Variants in MAGI2 observed in about 807,000 individuals in gnomAD.
MAGI2 encodes membrane-associated guanylate kinase, WW and PDZ domain-containing protein 2.
A neutral mutation model predicts 133.3 loss-of-function variants in MAGI2; 35 were observed. That is an observed-to-expected ratio of 0.26 (90% CI 0.20 to 0.35). MAGI2 has a LOEUF of 0.35. Ranked by LOEUF, MAGI2 falls within the 10% of genes least tolerant of loss-of-function variation. MAGI2 has a pLI of 1.00. For synonymous variants in MAGI2, 729 were observed against 710.6 expected, an observed-to-expected ratio of 1.03 and a Z score of -0.41; for missense variants, 1,636 against 1,863.4, an observed-to-expected ratio of 0.88 and a Z score of 2.25.
rs182663046 is a variant in MAGI2, at chr7:78,503,878, C to A, written c.755-2091G>T. On this transcript the variant is annotated intron_variant, in intron 4 of 21. Coordinates refer to ENST00000354212, the MANE Select transcript of MAGI2 (RefSeq NM_012301.4). ...GCCTTCCACCATGATTGTAAGTTTC[C>A]TGAGGCCTCCTCAGCCATGTGGAAC... 6.7e-3 allele frequency among the ~76,000 whole-genome samples: 1,020 copies of A among 151,738 alleles called. 7 individuals are homozygous for A. Among genetic ancestry groups the A allele is most frequent in the Middle Eastern group, 0.021 (6 of 292 alleles).
At chr7:79,410,917 T>C (rs1314642954) in intron 1 of MAGI2, 3 of 152,216 alleles carry the variant, frequency 2.0e-5, no homozygotes, top group Non-Finnish European at 4.4e-5. Context: ...ATTAGCTGCC[T>C]ACTACTTATA....
At chr7:78,557,889 G>C (rs896425686) in intron 3 of MAGI2, among the ~76,000 whole-genome samples, 2 of 151,986 alleles carry the variant, frequency 1.3e-5, no homozygotes, top group African/African-American at 4.8e-5. Flanking sequence ...TTCAAACTTA[G>C]AGCACAAATG....
chr7:78,701,823 T>A (rs1818107709), intron 2 of MAGI2, among the ~76,000 whole-genome samples: 1 of 151,994 alleles, frequency 6.6e-6, no homozygotes, highest in African/African-American at 2.4e-5. Flanking sequence ...TTTTCACTTT[T>A]CCTTAAACCA....
chr7:78,276,451 T>A (rs1239564110), intron 9 of MAGI2, among the ~76,000 whole-genome samples: 1 of 151,816 alleles, frequency 6.6e-6, no homozygotes, highest in African/African-American at 2.4e-5. Flanking sequence ...TAGAGCTAAG[T>A]GGTGGAATTT....
chr7:78,889,727 A>G (rs1796581412), intron 2 of MAGI2, among the ~76,000 whole-genome samples: 1 of 152,224 alleles, frequency 6.6e-6, no homozygotes, highest in Non-Finnish European at 1.5e-5. Flanking sequence ...TCCTGAAGGA[A>G]GAACTAAACA....
At position 78,867,180 on chromosome 7, in the gene MAGI2, A is replaced by C. The variant is rs4021184; in HGVS notation, c.418+139910T>G. 9.6e-4 allele frequency among the ~76,000 whole-genome samples: 144 copies of C among 149,834 alleles called. 1 individual carries two copies. Among genetic ancestry groups the C allele is most frequent in the African/African-American group, 3.2e-3 (130 of 40,810 alleles). On this transcript the variant is annotated intron_variant, in intron 2 of 21. Coordinates refer to ENST00000354212, the MANE Select transcript of MAGI2 (RefSeq NM_012301.4). ...AGAAATACCATTTGACCCAGCCATC[A>C]CATTACTGGGTATATACCCAAAGGA...
intron 2 of MAGI2, among the ~76,000 whole-genome samples, chr7:78,850,162 C>T (rs1793006051): frequency 6.6e-6 from 1 of 152,042 alleles, no homozygotes; most frequent in Admixed American, 6.6e-5. Context: ...AATAACAGAA[C>T]TAGCATTACT....
At position 78,296,831 on chromosome 7, in the gene MAGI2, G is replaced by A. The variant is rs376169366; in HGVS notation, c.1409-40250C>T. Among the ~76,000 whole-genome samples, 25 of 152,292 alleles carry A rather than the reference G, an allele frequency of 1.6e-4. No individual in the cohort carries two copies. The East Asian group carries it at 3.9e-3, about 24-fold the overall frequency. ...GAAATGAGCCAATACAGGAATTGAT[G>A]CCAAACAACCCTGAACAGCTCAGTC... On this transcript the variant is annotated intron_variant, in intron 9 of 21. Coordinates refer to ENST00000354212, the MANE Select transcript of MAGI2 (RefSeq NM_012301.4).
chr7:79,247,086 C>A (rs1832880828), intron 1 of MAGI2, among the ~76,000 whole-genome samples: 1 of 151,948 alleles, frequency 6.6e-6, no homozygotes, highest in African/African-American at 2.4e-5. Context: ...GAAATAGTTT[C>A]CCAGACAAAA....
At chr7:78,451,158 G>C (rs1788685750) in intron 6 of MAGI2, among the ~76,000 whole-genome samples, 1 of 152,040 alleles carries the variant, frequency 6.6e-6, no homozygotes, top group Non-Finnish European at 1.5e-5. Flanking sequence ...CTTGTGGCTT[G>C]GAAGTGTTCC....
chr7:78,851,307 G>C (rs954789857), intron 2 of MAGI2, among the ~76,000 whole-genome samples: 1 of 151,994 alleles, frequency 6.6e-6, no homozygotes, highest in Non-Finnish European at 1.5e-5. Context: ...AAATGTCAAG[G>C]GCTTTAAGAG....
At chr7:78,611,728 A>G (rs1164688594) in intron 3 of MAGI2, among the ~76,000 whole-genome samples, 2 of 152,164 alleles carry the variant, frequency 1.3e-5, no homozygotes, top group African/African-American at 4.8e-5. Context: ...ACAATCACTC[A>G]CCTCTGAACA....
intron 1 of MAGI2, among the ~76,000 whole-genome samples, chr7:79,259,797 G>A (rs1448104034): frequency 6.6e-6 from 1 of 152,118 alleles, no homozygotes; most frequent in Non-Finnish European, 1.5e-5. Context: ...TTTGTTTGAT[G>A]TGTGCTATAT....
At chr7:79,258,562 C>G (rs10268872) in intron 1 of MAGI2, among the ~76,000 whole-genome samples, 49 of 152,196 alleles carry the variant, frequency 3.2e-4, no homozygotes, top group African/African-American at 1.1e-3. Context: ...AGGTAGTTTT[C>G]TAAGAGCTTT....
chr7:78,805,266 A>C (rs1788476598), intron 2 of MAGI2, among the ~76,000 whole-genome samples: 1 of 151,152 alleles, frequency 6.6e-6, no homozygotes, highest in South Asian at 2.1e-4. Flanking sequence ...TAAAAAAAAA[A>C]AAAACCCACA....
intron 1 of MAGI2, among the ~76,000 whole-genome samples, chr7:79,040,740 C>T (rs1038466245): frequency 6.6e-6 from 1 of 152,158 alleles, no homozygotes; most frequent in African/African-American, 2.4e-5. Context: ...CCCGCTTGCA[C>T]TCACTCCACT....
chr7:78,629,507 T>C (rs552416111), intron 2 of MAGI2, among the ~76,000 whole-genome samples: 1 of 152,168 alleles, frequency 6.6e-6, no homozygotes, highest in Non-Finnish European at 1.5e-5. Flanking sequence ...ACTAAAGGAC[T>C]ATGAAAAAAC....
chr7:79,204,198 C>A (rs1003926568), intron 1 of MAGI2, among the ~76,000 whole-genome samples: 2 of 152,050 alleles, frequency 1.3e-5, no homozygotes, highest in African/African-American at 4.8e-5. Flanking sequence ...AAGGCTGATT[C>A]TTGCATATTA....
At chr7:78,580,287 A>G (rs1446791905) in intron 3 of MAGI2, among the ~76,000 whole-genome samples, 1 of 152,244 alleles carries the variant, frequency 6.6e-6, no homozygotes, top group Non-Finnish European at 1.5e-5. Context: ...AGAGAGGAAT[A>G]TCAATGGATT....
Sources: allele counts gnomAD v4.1 joint callset (sites outside exome capture counted in the v4.1 genomes callset), GRCh38; gene constraint gnomAD v4.1.1; transcripts MANE v1.5; gene names NCBI Gene and HGNC (gene_info 2026-07-23, HGNC 2026-07-21).